Variants in ANK2 observed in about 807,000 individuals in gnomAD.
ANK2 encodes the protein ankyrin 2.
ANK2 carries 83 observed loss-of-function variants against 360.5 expected under a neutral mutation model. That is an observed-to-expected ratio of 0.23 (90% CI 0.19 to 0.28). The LOEUF (loss-of-function observed/expected upper bound fraction) is 0.28. Ranked by LOEUF, ANK2 falls within the 10% of genes least tolerant of loss-of-function variation. The pLI is 1.00. For missense variants in ANK2, 4,201 were observed against 4,795.7 expected (o/e 0.88, Z 3.66); for synonymous variants, 1,740 against 1,759.5 (o/e 0.99, Z 0.28).
the ANK2 span, among the ~76,000 whole-genome samples, chr4:112,786,054 C>A: frequency 6.6e-6 from 1 of 151,982 alleles, no homozygotes; most frequent in Admixed American, 6.6e-5. Context: ...GTTGGCCAGG[C>A]TAGTCTTGAA....
At chr4:112,775,712 C>G in the ANK2 span, among the ~76,000 whole-genome samples, 1 of 152,010 alleles carries the variant, frequency 6.6e-6, no homozygotes, top group Non-Finnish European at 1.5e-5. Context: ...TTGAGTTACA[C>G]TGGGAGTATT....
At chr4:112,751,460 C>T in the ANK2 span, among the ~76,000 whole-genome samples, 85 of 152,212 alleles carry the variant, frequency 5.6e-4, no homozygotes, top group Non-Finnish European at 9.0e-4. Flanking sequence ...AGGCACTGCC[C>T]GTTTGGTGAT....
intron 14 of ANK2, among the ~76,000 whole-genome samples, chr4:113,268,605 A>T (rs2057212501): frequency 6.6e-6 from 1 of 152,180 alleles, no homozygotes; most frequent in Admixed American, 6.5e-5. Flanking sequence ...AGCTGACTTG[A>T]TCGTGGTGGA....
At chr4:112,826,094 C>T (rs1481007418) in intron 1 of ANK2, among the ~76,000 whole-genome samples, 2 of 152,178 alleles carry the variant, frequency 1.3e-5, no homozygotes, top group African/African-American at 4.8e-5. Flanking sequence ...AATCCCATCA[C>T]TGCTAAATGC....
chr4:112,847,939 T>C (rs1213233442), intron 1 of ANK2, among the ~76,000 whole-genome samples: 2 of 152,166 alleles, frequency 1.3e-5, no homozygotes, highest in Admixed American at 6.5e-5. Flanking sequence ...CTCTCACACA[T>C]GGCTGGCACT....
At chr4:112,874,642 C>CAA (rs1160396405) in intron 1 of ANK2, among the ~76,000 whole-genome samples, 114 of 79,246 alleles carry the variant, frequency 1.4e-3, no homozygotes, top group Middle Eastern at 6.8e-3. Context: ...GACGCCATCT[C>CAA]AAAAAAAAAA....
intron 2 of ANK2, among the ~76,000 whole-genome samples, chr4:113,044,446 G>A (rs2063764371): frequency 6.6e-6 from 1 of 152,312 alleles, no homozygotes; most frequent in Admixed American, 6.5e-5. Flanking sequence ...TCTCAAGGCT[G>A]CAACCAACTA....
At chr4:112,982,731 T>C (rs1256427549) in intron 2 of ANK2, among the ~76,000 whole-genome samples, 2 of 152,022 alleles carry the variant, frequency 1.3e-5, no homozygotes, top group Non-Finnish European at 2.9e-5. Context: ...GCCCTGTAGA[T>C]AGGGAAAAAT....
intron 1 of ANK2, among the ~76,000 whole-genome samples, chr4:112,842,502 T>C (rs1285715118): frequency 1.3e-5 from 2 of 152,204 alleles, no homozygotes; most frequent in Non-Finnish European, 2.9e-5. Flanking sequence ...TTGCATGGAC[T>C]TGGGGGCGAA....
intron 24 of ANK2, 102 bp from the exon 25 acceptor site, chr4:113,317,605 T>TAATA (rs1330402623): frequency 2.4e-5 from 21 of 861,624 alleles, no homozygotes; most frequent in Non-Finnish European, 3.3e-5. Flanking sequence ...TGCTGTTAGC[T>TAATA]AATAGCACGC....
At chr4:113,209,869 G>T (rs2099000718) in intron 4 of ANK2, among the ~76,000 whole-genome samples, 1 of 150,164 alleles carries the variant, frequency 6.7e-6, no homozygotes, top group South Asian at 2.1e-4. Context: ...TGTTAGCCTG[G>T]GTTCATGGGC....
chr4:113,003,185 C>A (rs1173310971), intron 2 of ANK2, among the ~76,000 whole-genome samples: 1 of 152,188 alleles, frequency 6.6e-6, no homozygotes, highest in East Asian at 1.9e-4. Context: ...AAAGTAAGAT[C>A]CATGAGTATA....
At chr4:112,768,460 C>T in the ANK2 span, among the ~76,000 whole-genome samples, 1 of 151,920 alleles carries the variant, frequency 6.6e-6, no homozygotes, top group Non-Finnish European at 1.5e-5. Context: ...CACCATGTTG[C>T]CCAGGCTGAT....
intron 2 of ANK2, among the ~76,000 whole-genome samples, chr4:113,003,747 A>G (rs902415432): frequency 2.0e-5 from 3 of 152,230 alleles, no homozygotes; most frequent in African/African-American, 4.8e-5. Context: ...GCATAAAAGA[A>G]ACACAGTCAT....
intron 1 of ANK2, among the ~76,000 whole-genome samples, chr4:113,100,867 CT>C (rs2092713858): frequency 6.6e-6 from 1 of 152,082 alleles, no homozygotes; most frequent in Admixed American, 6.6e-5. Flanking sequence ...GAAACAAGCC[CT>C]TTTGAAAAGG....
chr4:112,766,684 C>T, the ANK2 span, among the ~76,000 whole-genome samples: 1 of 152,212 alleles, frequency 6.6e-6, no homozygotes, highest in Non-Finnish European at 1.5e-5. Flanking sequence ...AAAGATAATT[C>T]TCTTTACTCA....
intron 1 of ANK2, among the ~76,000 whole-genome samples, chr4:112,892,165 A>G (rs2080223013): frequency 6.6e-6 from 1 of 152,126 alleles, no homozygotes; most frequent in Non-Finnish European, 1.5e-5. Context: ...TGGGCCAGTG[A>G]AACAGTTCTG....
chr4:113,269,645 C>G (rs779420780), intron 14 of ANK2, among the ~76,000 whole-genome samples: 1 of 152,212 alleles, frequency 6.6e-6, no homozygotes, highest in African/African-American at 2.4e-5. Flanking sequence ...CCAGATACCT[C>G]AGTTGGAAAT....
chr4:112,947,326 A>G (rs1040709077), intron 2 of ANK2, among the ~76,000 whole-genome samples: 6 of 152,176 alleles, frequency 3.9e-5, no homozygotes, highest in Non-Finnish European at 5.9e-5. Context: ...GGTGCTTACA[A>G]TTTGTTCTGA....
Sources: allele counts gnomAD v4.1 joint callset (sites outside exome capture counted in the v4.1 genomes callset), GRCh38; gene constraint gnomAD v4.1.1; transcripts MANE v1.5; gene names NCBI Gene and HGNC (gene_info 2026-07-23, HGNC 2026-07-21).